The following IL7R variants were observed in gnomAD, a reference collection of about 807,000 sequenced individuals.
IL7R encodes the protein interleukin-7 receptor subunit alpha.
IL7R carries 38 observed loss-of-function variants against 47.0 expected under a neutral mutation model. The observed-to-expected ratio is 0.81, with a 90% CI of 0.62 to 1.06. IL7R has a LOEUF of 1.06. Among genes scored for constraint, IL7R ranks in the 50% least tolerant of loss-of-function variants. The pLI is 0.00. For missense variants in IL7R, 633 were observed against 534.8 expected (o/e 1.18, Z -1.81); for synonymous variants, 221 against 199.8 (o/e 1.11, Z -0.89).
At chr5:35,867,615 G>T in intron 3 of IL7R, 152 bp downstream of exon 3, 1 of 703,478 alleles carries the variant, frequency 1.4e-6, no homozygotes, top group Non-Finnish European at 2.5e-6. Context: ...TATAATAAAT[G>T]AAAAGCTTGA....
chr5:35,878,862 A>G lies in IL7R; in HGVS notation c.*2376A>G. ...GAGATGACCATAGAAAAACATCGAG[A>G]TATCTCCAGCTCTAAAATCCTTTGT... On this transcript the variant is annotated 3_prime_UTR_variant, in exon 8 of 8. Transcript: ENST00000303115. 1 of 233,062 alleles carries G rather than the reference A, an allele frequency of 4.3e-6. No individual in the cohort carries two copies. The highest frequency in any genetic ancestry group is 8.5e-6 in the Non-Finnish European group (1 of 117,928). The allele number at this position is 233,062 out of a possible 1,614,324, so 14.4% of individuals were successfully genotyped here.
chr5:35,872,634 T>G (rs1471638159), intron 4 of IL7R, among the ~76,000 whole-genome samples: 1 of 152,204 alleles, frequency 6.6e-6, no homozygotes, highest in Non-Finnish European at 1.5e-5. Flanking sequence ...GCCAAATGTT[T>G]ACATAATCTT....
At chr5:35,874,213 G>T (rs906426580) in intron 5 of IL7R, among the ~76,000 whole-genome samples, 34 of 152,166 alleles carry the variant, frequency 2.2e-4, no homozygotes, top group African/African-American at 8.2e-4. Context: ...TGGTACCTTT[G>T]ATGCTAGATC....
Position 35,876,770 on chromosome 5 carries a change from G to A in IL7R, c.*284G>A. On this transcript the variant is annotated 3_prime_UTR_variant, in exon 8 of 8. Coordinates refer to ENST00000303115, the MANE Select transcript of IL7R (RefSeq NM_002185.5). The stretch of plus-strand genomic sequence containing the variant: ...AAAAAAAAGAGGAAAGAATGAAAGA[G>A]TAAAGGAAATGATTGAGGAGTGAGG... 7 of 439,738 alleles carry A rather than the reference G, an allele frequency of 1.6e-5. No individual in the cohort carries two copies. Among genetic ancestry groups the A allele is most frequent in the South Asian group, 6.4e-5 (2 of 31,408 alleles). The allele number at this position is 439,738 out of a possible 1,614,324, so 27.2% of individuals were successfully genotyped here.
chr5:35,875,816 C>A, intron 7 of IL7R, 167 bp from the exon 8 acceptor site: 2 of 841,962 alleles, frequency 2.4e-6, no homozygotes, highest in Admixed American at 2.1e-5. Context: ...CACTTCAAGT[C>A]TTGAAGTGTC....
chr5:35,868,485 G>A (rs1759994892), intron 3 of IL7R, among the ~76,000 whole-genome samples: 1 of 152,160 alleles, frequency 6.6e-6, no homozygotes, highest in Admixed American at 6.5e-5. Context: ...AGAGACATTA[G>A]GCAGATGGCT....
At position 35,857,053 on chromosome 5, in the gene IL7R, C is replaced by T. The variant is rs202007062; in HGVS notation, c.76C>T (p.Gln26Ter). 1.9e-5 allele frequency: 31 copies of T among 1,590,910 alleles called. No homozygotes were observed. Among genetic ancestry groups the T allele is most frequent in the Non-Finnish European group, 2.5e-5 (29 of 1,159,566 alleles). ...CGTTTCTGGAGAAAGTGGCTATGCT[C>T]AAAATGGTGAGTCATTTCTAAGTTT... ...QVVSGESGYA[Q>*]NGDLEDAELD... Residue 26 changes from glutamine to a stop codon, truncating the protein, a stop_gained, in exon 1 of 8, where the codon CAA (glutamine) becomes TAA (stop). Transcript: ENST00000303115. LOFTEE classifies it high-confidence loss of function.
At chr5:35,868,041 G>C (rs1239656094) in intron 3 of IL7R, among the ~76,000 whole-genome samples, 1 of 152,158 alleles carries the variant, frequency 6.6e-6, no homozygotes, top group Admixed American at 6.6e-5. Flanking sequence ...AAGCCAGTAG[G>C]CTAGAAATTC....
intron 4 of IL7R, chr5:35,873,233 C>T (rs759619306): frequency 9.0e-5 from 48 of 536,228 alleles, no homozygotes; most frequent in Non-Finnish European, 1.4e-4. Context: ...CAGTGCCTAA[C>T]TCACCTGAAT....
At chr5:35,860,768 C>A in intron 1 of IL7R, 84 bp from the exon 2 acceptor site, 1 of 1,304,540 alleles carries the variant, frequency 7.7e-7, no homozygotes, top group Non-Finnish European at 1.1e-6. Context: ...GCCACAGAGT[C>A]TGCTATTTTA....
chr5:35,875,537 C>T lies in IL7R; in HGVS notation c.826C>T (p.Leu276Phe). The change falls in exon 7 of 8, where the codon CTC becomes TTC. Residue 276 changes from leucine (L) to phenylalanine (F), a missense_variant. Physicochemically the swap from Leu to Phe is conservative, Grantham distance 22. Coordinates refer to ENST00000303115, the MANE Select transcript of IL7R (RefSeq NM_002185.5). ...GATTAAGCCTATCGTATGGCCCAGT[C>T]TCCCCGATCATAAGAAGACTCTGGA... ...KRIKPIVWPSLPDHKKTLEHL... is the reference protein window; with the variant it reads ...KRIKPIVWPSFPDHKKTLEHL... 1 of 1,613,388 alleles carries T rather than the reference C, an allele frequency of 6.2e-7. No individual in the cohort carries two copies. The highest frequency in any genetic ancestry group is 8.5e-7 in the Non-Finnish European group (1 of 1,179,354).
At chr5:35,867,175 C>T (rs944683232) in intron 2 of IL7R, 131 bp from the exon 3 acceptor site, 1 of 749,348 alleles carries the variant, frequency 1.3e-6, no homozygotes, top group African/African-American at 1.8e-5. Context: ...CTGAACATGC[C>T]TCCACTCACC....
intron 5 of IL7R, among the ~76,000 whole-genome samples, chr5:35,874,073 C>T (rs1760144857): frequency 6.6e-6 from 1 of 152,158 alleles, no homozygotes; most frequent in African/African-American, 2.4e-5. Flanking sequence ...GTCTTTGGGA[C>T]TGGAACTGAG....
chr5:35,859,208 T>C (rs867598951), intron 1 of IL7R, among the ~76,000 whole-genome samples: 6 of 152,194 alleles, frequency 3.9e-5, no homozygotes, highest in South Asian at 2.1e-4. Context: ...TCCTTTGTTA[T>C]GTGGGTGCTG....
chr5:35,875,335 G>T, intron 6 of IL7R, 177 bp from the exon 7 acceptor site: 3 of 671,046 alleles, frequency 4.5e-6, no homozygotes, highest in South Asian at 1.6e-5. Flanking sequence ...TCCTTGAATT[G>T]ATAGGGCCCC....
Position 35,874,513 on chromosome 5 carries a change from C to T in IL7R, c.771C>T (p.Val257=), listed in dbSNP as rs760499889. ...ILSFFSVALL[V]ILACVLWKKR... ...GTTTTTTCTCTGTCGCTCTGTTGGTCATCTTGGCCTGTGTGTTATGGAAAA... is the reference window on the plus strand; with the variant it reads ...GTTTTTTCTCTGTCGCTCTGTTGGTTATCTTGGCCTGTGTGTTATGGAAAA... The change falls in exon 6 of 8, where the codon GTC becomes GTT. Residue 257 remains valine (V), a synonymous_variant. Coordinates refer to ENST00000303115, the MANE Select transcript of IL7R (RefSeq NM_002185.5). 2 of 1,613,330 alleles carry T rather than the reference C, an allele frequency of 1.2e-6. No homozygotes were observed. The highest frequency in any genetic ancestry group is 3.3e-5 in the Admixed American group (2 of 60,018).
At chr5:35,858,679 T>C (rs745474507) in intron 1 of IL7R, among the ~76,000 whole-genome samples, 8 of 152,238 alleles carry the variant, frequency 5.3e-5, no homozygotes, top group Non-Finnish European at 1.2e-4. Flanking sequence ...ATGTTTCATG[T>C]ATATTTTCAG....
At chr5:35,868,287 C>T (rs935057956) in intron 3 of IL7R, among the ~76,000 whole-genome samples, 5 of 152,176 alleles carry the variant, frequency 3.3e-5, no homozygotes, top group Admixed American at 6.5e-5. Context: ...ATTCCCTATT[C>T]GCTCCCCCTT....
chr5:35,874,524 G>T lies in IL7R; in HGVS notation c.782G>T (p.Cys261Phe), dbSNP rs1474356113. Reference sequence around the variant, plus strand: ...GTCGCTCTGTTGGTCATCTTGGCCTGTGTGTTATGGAAAAAAAGGTGACCT... The same window carrying T: ...GTCGCTCTGTTGGTCATCTTGGCCTTTGTGTTATGGAAAAAAAGGTGACCT... ...FSVALLVILA[C>F]VLWKKRIKPI... is the part of the protein sequence containing the mutation. Residue 261 changes from cysteine (C) to phenylalanine (F), a missense_variant, in exon 6 of 8, where the codon TGT (cysteine) becomes TTT (phenylalanine). Physicochemically the swap from Cys to Phe is radical, Grantham distance 205. Coordinates refer to ENST00000303115, the MANE Select transcript of IL7R (RefSeq NM_002185.5). 1.9e-6 allele frequency: 3 copies of T among 1,612,560 alleles called. No homozygotes were observed. The South Asian group carries it at 3.3e-5, about 18-fold the overall frequency.
Sources: gnomAD v4.1 joint callset for allele counts (sites outside exome capture counted in the v4.1 genomes callset) on GRCh38, gnomAD v4.1.1 for gene constraint, MANE v1.5 for transcripts, NCBI Gene and HGNC (gene_info 2026-07-23, HGNC 2026-07-21) for gene names.